Variants in PRDM16 observed in about 807,000 individuals in gnomAD.
PRDM16 encodes the protein PR/SET domain 16, also known as histone-lysine N-methyltransferase PRDM16.
In PRDM16, 23 loss-of-function variants were observed where a neutral mutation model predicts 110.6. The observed-to-expected ratio is 0.21, with a 90% CI of 0.15 to 0.29. The LOEUF (loss-of-function observed/expected upper bound fraction) is 0.29, where lower values mean the gene tolerates loss of function less well. Ranked by LOEUF, PRDM16 falls within the 10% of genes least tolerant of loss-of-function variation. The pLI, the probability that PRDM16 is intolerant of heterozygous loss-of-function variation, is 1.00. For missense variants in PRDM16, 1,615 were observed against 1,794.3 expected (o/e 0.90, Z 1.81); for synonymous variants, 799 against 781.8 (o/e 1.02, Z -0.37).
At chr1:3,279,400 G>A (rs1213241553) in intron 3 of PRDM16, among the ~76,000 whole-genome samples, 1 of 152,232 alleles carries the variant, frequency 6.6e-6, no homozygotes, top group Non-Finnish European at 1.5e-5. Context: ...GTGCTGAGCA[G>A]TGTCAGCCGC....
intron 3 of PRDM16, among the ~76,000 whole-genome samples, chr1:3,327,949 A>G (rs886145643): frequency 6.6e-6 from 1 of 152,244 alleles, no homozygotes; most frequent in Non-Finnish European, 1.5e-5. Context: ...ATACAAGTTC[A>G]CACAAGCAAA....
At chr1:3,330,998 G>A (rs888498830) in intron 3 of PRDM16, among the ~76,000 whole-genome samples, 4 of 152,202 alleles carry the variant, frequency 2.6e-5, no homozygotes, top group South Asian at 4.1e-4. Flanking sequence ...GCCTGAATGC[G>A]GAGAATAGCA....
chr1:3,413,576 G>A (rs576966016), intron 9 of PRDM16, among the ~76,000 whole-genome samples: 12 of 152,290 alleles, frequency 7.9e-5, no homozygotes, highest in African/African-American at 1.7e-4. Flanking sequence ...TCCCCGCTTC[G>A]CCATGCAAGG....
At chr1:3,167,446 G>A (rs941272835) in intron 1 of PRDM16, among the ~76,000 whole-genome samples, 7 of 152,156 alleles carry the variant, frequency 4.6e-5, no homozygotes, top group South Asian at 4.1e-4. Flanking sequence ...GCTTGTCACC[G>A]GGGGTCACAT....
intron 1 of PRDM16, among the ~76,000 whole-genome samples, chr1:3,109,012 G>A (rs1253737110): frequency 6.6e-6 from 1 of 151,776 alleles, no homozygotes; most frequent in Non-Finnish European, 1.5e-5. Flanking sequence ...AACCTGGGAG[G>A]TGGAGGTTGC....
chr1:3,270,704 C>A (rs1167882769), intron 3 of PRDM16, among the ~76,000 whole-genome samples: 1 of 145,812 alleles, frequency 6.9e-6, no homozygotes, highest in Non-Finnish European at 1.5e-5. Context: ...GGAGGACAGT[C>A]CCGGAGGAGG....
Position 3,412,703 on chromosome 1 carries a change from G to T in PRDM16, c.2506G>T (p.Gly836Cys). The change falls in exon 9 of 17, where the codon GGC becomes TGC. Residue 836 changes from glycine (G) to cysteine (C), a missense_variant. Gly to Cys is a radical substitution (Grantham distance 159, BLOSUM62 -3). Transcript: ENST00000270722. ...HVYGERKLGA[G>C]EGLPQVCPAR... ...CTATGGGGAACGCAAGCTGGGCGCCGGCGAGGGGCTGCCCCAGGTGTGCCC... is the reference window on the plus strand; with the variant it reads ...CTATGGGGAACGCAAGCTGGGCGCCTGCGAGGGGCTGCCCCAGGTGTGCCC... 6.7e-7 allele frequency: 1 copy of T among 1,496,222 alleles called. No homozygotes were observed. The allele number at this position is 1,496,222 out of a possible 1,614,324, so 92.7% of individuals were successfully genotyped here.
At chr1:3,365,663 G>T (rs1642796516) in intron 3 of PRDM16, among the ~76,000 whole-genome samples, 1 of 152,246 alleles carries the variant, frequency 6.6e-6, no homozygotes, top group South Asian at 2.1e-4. Flanking sequence ...GAGGTGTCAG[G>T]CCCTGAAGCT....
intron 1 of PRDM16, among the ~76,000 whole-genome samples, chr1:3,087,699 T>C (rs2100590879): frequency 6.6e-6 from 1 of 152,310 alleles, no homozygotes; most frequent in Non-Finnish European, 1.5e-5. Context: ...GGATGGCCGG[T>C]GGCCCTCGCG....
chr1:3,403,599 G>C (rs2493286), intron 6 of PRDM16, among the ~76,000 whole-genome samples: 119,162 of 152,224 alleles, frequency 0.78, 47,182 homozygotes, highest in African/African-American at 0.9. Context: ...CGGGCCCACG[G>C]TGGCCCTCCC....
chr1:3,108,927 C>T lies in PRDM16; in HGVS notation c.37+39631C>T, dbSNP rs565990201. Among the ~76,000 whole-genome samples, 16 of 150,448 alleles carry T rather than the reference C, an allele frequency of 1.1e-4. No individual in the cohort carries two copies. The South Asian group carries it at 3.2e-3, about 30-fold the overall frequency. Reference sequence around the variant, plus strand: ...CTAAAAAAAAAAAAATACAAAAATACAAAAATTAGCTGGGCGTAGTGGTGG... The same window carrying T: ...CTAAAAAAAAAAAAATACAAAAATATAAAAATTAGCTGGGCGTAGTGGTGG... On this transcript the variant is annotated intron_variant, in intron 1 of 16. Coordinates refer to ENST00000270722, the MANE Select transcript of PRDM16 (RefSeq NM_022114.4).
intron 3 of PRDM16, among the ~76,000 whole-genome samples, chr1:3,330,864 C>T (rs1156856975): frequency 6.6e-6 from 1 of 152,254 alleles, no homozygotes; most frequent in Non-Finnish European, 1.5e-5. Flanking sequence ...CCTCCTCCCT[C>T]TGCCTCCAGC....
In PRDM16 at chr1:3,358,264, T is replaced by C. The variant is rs1053442987; in HGVS notation, c.439-26888T>C. Among the ~76,000 whole-genome samples the C allele has an allele frequency of 3.3e-5, 5 of 152,206 alleles. No homozygotes were observed. The highest frequency in any genetic ancestry group is 5.9e-5 in the Non-Finnish European group (4 of 68,034). ...CCATGAGACTCCCGGTTCTGCCTCC[T>C]GGGGACCCAGCCTGCCTGCTGGGGA... On this transcript the variant is annotated intron_variant, in intron 3 of 16. Transcript: ENST00000270722. This position sits in a 1 kb window ranked among gnomAD's most constrained non-coding sequence, Gnocchi z 4.0.
chr1:3,397,580 G>A (rs1242045461), intron 5 of PRDM16, among the ~76,000 whole-genome samples: 6 of 152,254 alleles, frequency 3.9e-5, no homozygotes, highest in African/African-American at 7.2e-5. Context: ...TCCAGGGTTC[G>A]AGCCTAACTG....
intron 3 of PRDM16, among the ~76,000 whole-genome samples, chr1:3,332,192 A>G (rs571362367): frequency 3.9e-5 from 6 of 152,270 alleles, no homozygotes; most frequent in Non-Finnish European, 8.8e-5. Flanking sequence ...GGCTGGCCTG[A>G]TATGGGAGGT....
chr1:3,269,812 GAAT>G lies in PRDM16; in HGVS notation c.438+25676_438+25678del, dbSNP rs1222453569. On this transcript the variant is annotated intron_variant, in intron 3 of 16. Transcript: ENST00000270722. ...AGTCTCAGAGGAGGACAGTCCCAGA[GAAT>G]GACAGGGAGGAGGACAGTCCCAGAG... 2.0e-3 allele frequency among the ~76,000 whole-genome samples: 293 copies of G among 150,022 alleles called. 29 individuals carry two copies. The highest frequency in any genetic ancestry group is 7.2e-3 in the Middle Eastern group (2 of 278).
intron 2 of PRDM16, among the ~76,000 whole-genome samples, chr1:3,223,773 G>T (rs1438804885): frequency 1.3e-5 from 2 of 152,082 alleles, no homozygotes; most frequent in Non-Finnish European, 2.9e-5. Flanking sequence ...GAATGGAGGG[G>T]GTCGGCGGAA....
chr1:3,233,117 C>T (rs1239160943), intron 2 of PRDM16, among the ~76,000 whole-genome samples: 3 of 152,200 alleles, frequency 2.0e-5, no homozygotes, highest in African/African-American at 7.2e-5. Context: ...GCGAAGCTCC[C>T]TGGGGAGATG....
chr1:3,156,687 G>T (rs1007299174), intron 1 of PRDM16, among the ~76,000 whole-genome samples: 1 of 152,186 alleles, frequency 6.6e-6, no homozygotes, highest in South Asian at 2.1e-4. Context: ...GGTTGGACCC[G>T]TTCAGAGAAG....
Sources: gnomAD v4.1 joint callset for allele counts (sites outside exome capture counted in the v4.1 genomes callset) on GRCh38, gnomAD v4.1.1 for gene constraint, Gnocchi (gnomAD v3.1) non-coding constraint, MANE v1.5 for transcripts, NCBI Gene and HGNC (gene_info 2026-07-23, HGNC 2026-07-21) for gene names.